Variants in KIAA0319 observed in about 807,000 individuals in gnomAD.
The protein encoded by KIAA0319 is KIAA0319.
KIAA0319 carries 83 observed loss-of-function variants against 108.4 expected under a neutral mutation model. The ratio of observed to expected loss-of-function variants is 0.77; its 90% CI spans 0.64 to 0.92. KIAA0319 has a LOEUF of 0.92. KIAA0319 is among the 40% of genes least tolerant of loss of function. The pLI is 0.00. For synonymous variants in KIAA0319, 484 were observed against 510.4 expected (o/e 0.95, Z 0.70); for missense variants, 1,195 against 1,322.4 (o/e 0.90, Z 1.49).
chr6:24,568,742 C>G, intron 13 of KIAA0319, 39 bp downstream of exon 13: 1 of 1,588,470 alleles, frequency 6.3e-7, no homozygotes, highest in East Asian at 2.3e-5. Flanking sequence ...GACTCGAAAG[C>G]AGAGCAGGCC....
rs765076749 is a variant in KIAA0319 at position 24,599,676 on chromosome 6, G to A, written c.55+1373C>T. 51 of 609,974 alleles carry A rather than the reference G, an allele frequency of 8.4e-5. No homozygotes were observed. The highest frequency in any genetic ancestry group is 4.7e-4 in the Middle Eastern group (1 of 2,120). 37.8% of individuals were successfully genotyped at this position (609,974 alleles called of 1,614,324 possible). A position where few individuals can be genotyped will look rare whatever the true frequency, so the allele number is the denominator to read the frequency against. Reference sequence around the variant, plus strand: ...CCTGGGCTCCAGCTTTGGCTCTGGCGGGTGCTCCAGCTCCTTCAGCAGCAC... The same window carrying A: ...CCTGGGCTCCAGCTTTGGCTCTGGCAGGTGCTCCAGCTCCTTCAGCAGCAC... On this transcript the variant is annotated intron_variant, in intron 2 of 20. Transcript: ENST00000378214. The surrounding 1 kb of genome is among the most constrained non-coding windows in gnomAD (Gnocchi z 4.1).
At chr6:24,594,699 T>A (rs1195688306) in intron 3 of KIAA0319, among the ~76,000 whole-genome samples, 1 of 151,998 alleles carries the variant, frequency 6.6e-6, no homozygotes, top group African/African-American at 2.4e-5. Flanking sequence ...TTTTTCATGG[T>A]TGAGATTATA....
intron 1 of KIAA0319, among the ~76,000 whole-genome samples, chr6:24,617,655 AGGAG>A (rs1773346090): frequency 6.6e-6 from 1 of 152,156 alleles, no homozygotes; most frequent in Non-Finnish European, 1.5e-5. Context: ...GGTGGGGAGT[AGGAG>A]CAAAAATGCC....
intron 10 of KIAA0319, among the ~76,000 whole-genome samples, chr6:24,575,164 C>G (rs540223486): frequency 6.6e-6 from 1 of 152,296 alleles, no homozygotes; most frequent in Non-Finnish European, 1.5e-5. Context: ...CTTAATCAAG[C>G]TTAAGGCAAT....
intron 1 of KIAA0319, among the ~76,000 whole-genome samples, chr6:24,637,354 C>T (rs1320866825): frequency 6.6e-6 from 1 of 152,184 alleles, no homozygotes; most frequent in Non-Finnish European, 1.5e-5. Context: ...GCTCATTCCT[C>T]TCAAAAAACA....
At chr6:24,576,823 G>A (rs1187967195) in intron 9 of KIAA0319, among the ~76,000 whole-genome samples, 2 of 152,034 alleles carry the variant, frequency 1.3e-5, no homozygotes, top group Non-Finnish European at 2.9e-5. Context: ...TACTTGGGAG[G>A]CTGAGGTGGG....
At chr6:24,634,684 G>A (rs1053780226) in intron 1 of KIAA0319, among the ~76,000 whole-genome samples, 5 of 152,162 alleles carry the variant, frequency 3.3e-5, no homozygotes, top group Non-Finnish European at 4.4e-5. Context: ...TAAAGATAGG[G>A]AGATTGTCCA....
rs1225568600 is a variant in KIAA0319, at chr6:24,559,132, T to C, written c.2615A>G (p.Gln872Arg). The change falls in exon 17 of 21, where the codon CAG becomes CGG. Residue 872 changes from glutamine to arginine, a missense_variant. By Grantham distance (43) the Gln-to-Arg change is conservative. Transcript: ENST00000378214. ...GAGAACCTTGAAAGGCGGCCTGCTC[T>C]GTACATAAAACACAATCACGGTGCT... ...DLSTVIVFYVQSRPPFKVLKA... is the reference protein window; with the variant it reads ...DLSTVIVFYVRSRPPFKVLKA... The C allele has an allele frequency of 6.2e-7, 1 of 1,613,358 alleles. No individual in the cohort carries two copies. Among genetic ancestry groups the C allele is most frequent in the South Asian group, 1.1e-5 (1 of 91,026 alleles).
chr6:24,557,240 G>A (rs1330009562), intron 17 of KIAA0319, among the ~76,000 whole-genome samples: 2 of 151,990 alleles, frequency 1.3e-5, no homozygotes, highest in African/African-American at 4.8e-5. Context: ...GGTTGCTCAC[G>A]CCTGTAATCC....
intron 2 of KIAA0319, 28 bp downstream of exon 2, chr6:24,601,021 G>A (rs769604425): frequency 5.0e-6 from 8 of 1,613,652 alleles, no homozygotes; most frequent in African/African-American, 2.7e-5. Context: ...AGTCCAACAC[G>A]GGTATCTCCA....
chr6:24,634,299 T>TAC (rs1340223843), intron 1 of KIAA0319, among the ~76,000 whole-genome samples: 1 of 152,218 alleles, frequency 6.6e-6, no homozygotes, highest in Non-Finnish European at 1.5e-5. Flanking sequence ...AAACACACAC[T>TAC]ACCTTGATTC....
rs959242400 is a variant in KIAA0319 at position 24,580,855 on chromosome 6, T to C, written c.1279+71A>G. 47 of 926,924 alleles carry C rather than the reference T, an allele frequency of 5.1e-5. 1 individual carries two copies. Among genetic ancestry groups the C allele is most frequent in the Middle Eastern group, 4.3e-4 (2 of 4,672 alleles). 57.4% of individuals were successfully genotyped at this position (926,924 alleles called of 1,614,324 possible). On this transcript the variant is annotated intron_variant, in intron 7 of 20. Coordinates refer to ENST00000378214, the MANE Select transcript of KIAA0319 (RefSeq NM_014809.4). ...CTCTAGGTAGATAGGTAGACAGATA[T>C]AGAGTCATCCAGGCACCAAAAATTG...
chr6:24,584,919 A>G (rs1476806290), intron 4 of KIAA0319, among the ~76,000 whole-genome samples: 1 of 152,206 alleles, frequency 6.6e-6, no homozygotes, highest in Non-Finnish European at 1.5e-5. Flanking sequence ...CTCCCAGGCC[A>G]GTTTCTTTTT....
Position 24,596,402 on chromosome 6 carries a change from T to C in KIAA0319, c.272A>G (p.Lys91Arg), listed in dbSNP as rs1769600347. 1 of 1,614,102 alleles carries C rather than the reference T, an allele frequency of 6.2e-7. No individual in the cohort carries two copies. The highest frequency in any genetic ancestry group is 1.7e-5 in the Admixed American group (1 of 60,006). The change falls in exon 3 of 21, where the codon AAG becomes AGG. Residue 91 changes from lysine (K) to arginine (R), a missense_variant. Transcript: ENST00000378214. ...SCPHKENCEP[K>R]KMGPIRSYLT... is the part of the protein sequence containing the mutation. ...ATAAGACCTGATGGGGCCCATCTTC[T>C]TGGGCTCACAGTTCTCTTTGTGGGG...
rs773451159 is a variant in KIAA0319 at position 24,566,634 on chromosome 6, T to C, written c.2255A>G (p.Tyr752Cys). The C allele has an allele frequency of 2.5e-6, 4 of 1,612,762 alleles. No individual in the cohort carries two copies. The highest frequency in any genetic ancestry group is 3.4e-6 in the Non-Finnish European group (4 of 1,179,520). Residue 752 changes from tyrosine (Y) to cysteine (C), a missense_variant, in exon 14 of 21, where the codon TAT becomes TGT. By Grantham distance (194) the Tyr-to-Cys change is radical. Transcript: ENST00000378214. Reference protein sequence around the residue: ...RSTDDQRIVSYLWIRDGQSPA... With the variant: ...RSTDDQRIVSCLWIRDGQSPA... ...ACTCTGGCCATCCCGGATCCACAGA[T>C]AGGACACAATTCTTTGGTCATCAGT...
intron 15 of KIAA0319, 75 bp downstream of exon 15, chr6:24,564,127 C>A: frequency 6.3e-7 from 1 of 1,585,440 alleles, no homozygotes; most frequent in African/African-American, 1.3e-5. Flanking sequence ...ACACTGGTCA[C>A]ATCTGTCAGC....
At chr6:24,588,900 C>A in intron 3 of KIAA0319, 115 bp from the exon 4 acceptor site, 1 of 836,930 alleles carries the variant, frequency 1.2e-6, no homozygotes, top group Non-Finnish European at 1.9e-6. Context: ...GTTTGAAAAA[C>A]CATGAATAAT....
At chr6:24,572,759 G>C in intron 10 of KIAA0319, 61 bp from the exon 11 acceptor site, 7 of 1,437,934 alleles carry the variant, frequency 4.9e-6, no homozygotes, top group Non-Finnish European at 4.7e-6. Context: ...AGAAGCACAA[G>C]TAAATAGTAT....
chr6:24,550,727 C>G (rs560957205), intron 20 of KIAA0319, among the ~76,000 whole-genome samples: 18 of 152,260 alleles, frequency 1.2e-4, no homozygotes, highest in African/African-American at 4.1e-4. Context: ...CAGAGCTGAG[C>G]TGTGGGAGTG....
Sources: allele counts gnomAD v4.1 joint callset (sites outside exome capture counted in the v4.1 genomes callset), GRCh38; gene constraint gnomAD v4.1.1; non-coding constraint Gnocchi (gnomAD v3.1); transcripts MANE v1.5; gene names NCBI Gene and HGNC (gene_info 2026-07-23, HGNC 2026-07-21).